The following CAMKK1 variants were observed in gnomAD, a reference collection of about 807,000 sequenced individuals.
CAMKK1 encodes calcium/calmodulin-dependent protein kinase kinase 1.
Under a neutral mutation model 63.5 loss-of-function variants are expected in CAMKK1, and 20 were observed. The ratio of observed to expected loss-of-function variants is 0.32; its 90% CI spans 0.22 to 0.46. The LOEUF (loss-of-function observed/expected upper bound fraction) is 0.46, where lower values mean the gene tolerates loss of function less well. Ranked by LOEUF, CAMKK1 falls within the 20% of genes least tolerant of loss-of-function variation. The pLI, the probability that CAMKK1 is intolerant of heterozygous loss-of-function variation, is 1.00. For missense variants in CAMKK1, 588 were observed against 658.1 expected, an observed-to-expected ratio of 0.89 and a Z score of 1.17; for synonymous variants, 253 against 269.0, an observed-to-expected ratio of 0.94 and a Z score of 0.58.
In CAMKK1 at chr17:3,861,825, T is replaced by G; in HGVS notation, c.*386A>C. 8.3e-6 allele frequency: 2 copies of G among 240,746 alleles called. No homozygotes were observed. The highest frequency in any genetic ancestry group is 1.7e-5 in the Non-Finnish European group (2 of 120,524). 14.9% of individuals were successfully genotyped at this position (240,746 alleles called of 1,614,324 possible). ...AGGCCTGCCCGGCCCCAGCGGGAGGTCTCTTCCGTTGTGGTAAGCCTGGCC... is the reference window on the plus strand; with the variant it reads ...AGGCCTGCCCGGCCCCAGCGGGAGGGCTCTTCCGTTGTGGTAAGCCTGGCC... On this transcript the variant is annotated 3_prime_UTR_variant, in exon 16 of 16. Coordinates refer to ENST00000348335, the MANE Select transcript of CAMKK1 (RefSeq NM_032294.3).
chr17:3,861,372 C>T lies in CAMKK1; in HGVS notation c.*839G>A, dbSNP rs2143764167. ...GCCCTGGTGTCTTCTCCAGCCTCAG[C>T]TCTAGGGGCATCATCAAGGGAGAGA... On this transcript the variant is annotated 3_prime_UTR_variant, in exon 16 of 16. Coordinates refer to ENST00000348335, the MANE Select transcript of CAMKK1 (RefSeq NM_032294.3). 6.6e-6 allele frequency: 1 copy of T among 152,510 alleles called. No individual in the cohort carries two copies. Among genetic ancestry groups the T allele is most frequent in the South Asian group, 2.1e-4 (1 of 4,834 alleles). 9.4% of individuals were successfully genotyped at this position (152,510 alleles called of 1,614,324 possible).
intron 10 of CAMKK1, 136 bp from the exon 11 acceptor site, chr17:3,873,598 T>G (rs2055002475): frequency 3.9e-4 from 307 of 790,922 alleles, no homozygotes; most frequent in Non-Finnish European, 5.3e-4. Flanking sequence ...CACTCCGCGG[T>G]ACTTGCCCGA....
At chr17:3,863,025 G>A (rs1662466437) in intron 15 of CAMKK1, among the ~76,000 whole-genome samples, 1 of 152,208 alleles carries the variant, frequency 6.6e-6, no homozygotes, top group Admixed American at 6.5e-5. Flanking sequence ...CTTGTTCACA[G>A]GGCAGAGTCC....
rs754014654 is a variant in CAMKK1, at chr17:3,869,508, G to A, written c.1320C>T (p.Leu440=). The change falls in exon 14 of 16, where the codon CTC becomes CTT. Residue 440 remains leucine (L), a synonymous_variant. Coordinates refer to ENST00000348335, the MANE Select transcript of CAMKK1 (RefSeq NM_032294.3). The part of the protein sequence containing the change: ...TEEEVKNSVR[L]IPSWTTVILV... Reference sequence around the variant, plus strand: ...TTACCACCGTGGTCCAGCTGGGGATGAGCCTGACTGAGTTCTTAACCTCCT... The same window carrying A: ...TTACCACCGTGGTCCAGCTGGGGATAAGCCTGACTGAGTTCTTAACCTCCT... 9.3e-6 allele frequency: 15 copies of A among 1,614,234 alleles called. No homozygotes were observed. Among genetic ancestry groups the A allele is most frequent in the African/African-American group, 1.3e-5 (1 of 75,056 alleles).
rs759692250 is a variant in CAMKK1, at chr17:3,869,850, T to C, written c.1163A>G (p.Lys388Arg). The C allele has an allele frequency of 1.2e-6, 2 of 1,614,100 alleles. No homozygotes were observed. Among genetic ancestry groups the C allele is most frequent in the African/African-American group, 2.7e-5 (2 of 74,934 alleles). The change falls in exon 13 of 16, where the codon AAG becomes AGG. Residue 388 changes from lysine (K) to arginine (R), a missense_variant. By Grantham distance (26) the Lys-to-Arg change is conservative (BLOSUM62 2). This residue lies in a region of CAMKK1 where 226 missense variants were observed against 229.2 expected (regional missense o/e 0.99). Coordinates refer to ENST00000348335, the MANE Select transcript of CAMKK1 (RefSeq NM_032294.3). ...ISEELKDLIL[K>R]MLDKNPETRI... The stretch of plus-strand genomic sequence containing the variant: ...CGTCTCGGGATTCTTGTCTAACATC[T>C]TCAGGATCAGGTCCTTGAGCTCCTC...
chr17:3,886,567 G>C (rs1004568610), intron 1 of CAMKK1, among the ~76,000 whole-genome samples: 4 of 152,138 alleles, frequency 2.6e-5, no homozygotes, highest in Non-Finnish European at 5.9e-5. Flanking sequence ...GGGAGGTGGA[G>C]GTTGCAGTGA....
rs190198773 is a variant in CAMKK1, at chr17:3,887,990, G to A, written c.-43-2260C>T. 6.6e-6 allele frequency among the ~76,000 whole-genome samples: 1 copy of A among 152,286 alleles called. No homozygotes were observed. Among genetic ancestry groups the A allele is most frequent in the Admixed American group, 6.5e-5 (1 of 15,302 alleles). Reference sequence around the variant, plus strand: ...AGTGCCTGGCATGTGATAGGAACTCGATAAATATTTGTTGAATAAATGAGT... The same window carrying A: ...AGTGCCTGGCATGTGATAGGAACTCAATAAATATTTGTTGAATAAATGAGT... On this transcript the variant is annotated intron_variant, in intron 1 of 15. Transcript: ENST00000348335. The surrounding 1 kb of genome is among the most constrained non-coding windows in gnomAD (Gnocchi z 6.1).
At chr17:3,866,705 T>A (rs2054540171) in intron 14 of CAMKK1, among the ~76,000 whole-genome samples, 1 of 150,520 alleles carries the variant, frequency 6.6e-6, no homozygotes, top group African/African-American at 2.4e-5. Flanking sequence ...GAGGCCAGAA[T>A]TCCTGCCCTC....
At chr17:3,871,362 T>TTTTTTTTTTTTTTTTTTTTTG (rs2054856573) in intron 12 of CAMKK1, among the ~76,000 whole-genome samples, 1 of 121,346 alleles carries the variant, frequency 8.2e-6, no homozygotes, top group Non-Finnish European at 1.7e-5. Flanking sequence ...TTTTTTTTTT[T>TTTTTTTTTTTTTTTTTTTTTG]TTTTTTTTTT....
chr17:3,888,699 C>T (rs1360469350), intron 1 of CAMKK1, among the ~76,000 whole-genome samples: 9 of 152,194 alleles, frequency 5.9e-5, no homozygotes, highest in Admixed American at 3.9e-4. Context: ...GGAAGGCGGC[C>T]GCGAGGGCTG....
chr17:3,881,846 C>T, intron 7 of CAMKK1, 198 bp from the exon 8 acceptor site: 2 of 587,906 alleles, frequency 3.4e-6, no homozygotes, highest in Non-Finnish European at 6.1e-6. Context: ...CTCATCTGAT[C>T]CTCAGGTGCC....
At position 3,885,678 on chromosome 17, in the gene CAMKK1, C is replaced by G. The variant is rs571797127; in HGVS notation, c.10G>C (p.Gly4Arg). The change falls in exon 2 of 16, where the codon GGT (glycine) becomes CGT (arginine). Residue 4 changes from glycine to arginine, a missense_variant. Around this residue, in one of 3 missense-constraint regions of CAMKK1, gnomAD observed 357 missense variants for 407.4 expected, o/e 0.88. Coordinates refer to ENST00000348335, the MANE Select transcript of CAMKK1 (RefSeq NM_032294.3). MEG[G>R]PAVCCQDPRA... ...GGATCCTGGCAGCAGACAGCTGGACCCCCCTCCATTGCTTCAGTCAAGGGG... is the reference window on the plus strand; with the variant it reads ...GGATCCTGGCAGCAGACAGCTGGACGCCCCTCCATTGCTTCAGTCAAGGGG... 1.7e-5 allele frequency: 27 copies of G among 1,612,804 alleles called. No individual in the cohort carries two copies. Among genetic ancestry groups the G allele is most frequent in the African/African-American group, 8.0e-5 (6 of 74,930 alleles).
In CAMKK1 at chr17:3,883,109, T is replaced by C. The variant is rs1047092655; in HGVS notation, c.581A>G (p.Glu194Gly). Reference protein sequence around the residue: ...GGPAKQLLPLERVYQEIAILK... With the variant: ...GGPAKQLLPLGRVYQEIAILK... ...GATGGCAATCTCCTGGTACACCCGC[T>C]CCAGGGGCAGCAGCTGCTTGGCTGG... Residue 194 changes from glutamate (E) to glycine (G), a missense_variant, in exon 6 of 16, where the codon GAG becomes GGG. By Grantham distance (98) the Glu-to-Gly change is moderately conservative. This residue lies in a region of CAMKK1 where 357 missense variants were observed against 407.4 expected (regional missense o/e 0.88). Coordinates refer to ENST00000348335, the MANE Select transcript of CAMKK1 (RefSeq NM_032294.3). This position sits in a 1 kb window ranked among gnomAD's most constrained non-coding sequence, Gnocchi z 4.7. 6.3e-5 allele frequency: 102 copies of C among 1,613,476 alleles called. No homozygotes were observed. Among genetic ancestry groups the C allele is most frequent in the Non-Finnish European group, 8.4e-5 (99 of 1,179,958 alleles).
chr17:3,874,454 C>T (rs2055048863), intron 10 of CAMKK1, among the ~76,000 whole-genome samples: 1 of 152,332 alleles, frequency 6.6e-6, no homozygotes, highest in East Asian at 1.9e-4. Context: ...TCACTGCAAC[C>T]TCTGCCTCCT....
At position 3,869,565 on chromosome 17, in the gene CAMKK1, C is replaced by T. The variant is rs1047450470; in HGVS notation, c.1263G>A (p.Glu421=). 8.1e-6 allele frequency: 13 copies of T among 1,614,098 alleles called. No homozygotes were observed. Among genetic ancestry groups the T allele is most frequent in the Admixed American group, 6.7e-5 (4 of 60,002 alleles). ...TCACCTCCACCACGCTGCAGTGCTCCTCCTCCGAAGGAAGGGGCTCCTCCC... is the reference window on the plus strand; with the variant it reads ...TCACCTCCACCACGCTGCAGTGCTCTTCCTCCGAAGGAAGGGGCTCCTCCC... ...KNGEEPLPSE[E]EHCSVVEVTE... The change falls in exon 14 of 16, where the codon GAG becomes GAA. Residue 421 remains glutamate, a synonymous_variant. Transcript: ENST00000348335.
At position 3,889,077 on chromosome 17, in the gene CAMKK1, G is replaced by A. The variant is rs2143905675; in HGVS notation, c.-43-3347C>T. Reference sequence around the variant, plus strand: ...GGGTAGGGGGGTGGTCCGCGCCCCTGGGGGCCCTGGGAGCCTGATCCCAGA... The same window carrying A: ...GGGTAGGGGGGTGGTCCGCGCCCCTAGGGGCCCTGGGAGCCTGATCCCAGA... On this transcript the variant is annotated intron_variant, in intron 1 of 15. Transcript: ENST00000348335. The surrounding 1 kb of genome is among the most constrained non-coding windows in gnomAD (Gnocchi z 5.2). Among the ~76,000 whole-genome samples, 1 of 152,234 alleles carries A rather than the reference G, an allele frequency of 6.6e-6. No individual in the cohort carries two copies. The highest frequency in any genetic ancestry group is 2.4e-5 in the African/African-American group (1 of 41,542).
intron 1 of CAMKK1, 76 bp from the exon 2 acceptor site, chr17:3,885,806 G>A: frequency 7.0e-7 from 1 of 1,436,426 alleles, no homozygotes; most frequent in Middle Eastern, 1.8e-4. Context: ...ACAGCGCTGT[G>A]GGTCCCACCT....
rs148218149 is a variant in CAMKK1 at position 3,890,189 on chromosome 17, C to T, written c.-44+2750G>A. 1.5e-3 allele frequency among the ~76,000 whole-genome samples: 227 copies of T among 152,326 alleles called. No homozygotes were observed. Among genetic ancestry groups the T allele is most frequent in the South Asian group, 0.011 (53 of 4,832 alleles). On this transcript the variant is annotated intron_variant, in intron 1 of 15. Coordinates refer to ENST00000348335, the MANE Select transcript of CAMKK1 (RefSeq NM_032294.3). The surrounding 1 kb of genome is among the most constrained non-coding windows in gnomAD (Gnocchi z 6.5). ...GATGGCCCTGGCAACGGGTGCCCTC[C>T]GCAGCTCCCGCCCCCACCCGGGATG...
In CAMKK1 at chr17:3,870,601, A is replaced by G. The variant is rs545493535; in HGVS notation, c.1125-713T>C. On this transcript the variant is annotated intron_variant, in intron 12 of 15. Coordinates refer to ENST00000348335, the MANE Select transcript of CAMKK1 (RefSeq NM_032294.3). The stretch of plus-strand genomic sequence containing the variant: ...AGGATGATCTCGATCTCCTGATCTC[A>G]TGATCCGCCTGCCTTGGCCTCCCAA... 4.2e-4 allele frequency among the ~76,000 whole-genome samples: 64 copies of G among 151,998 alleles called. 1 individual carries two copies. In the East Asian group the frequency reaches 6.4e-3, roughly 15 times the overall value.
Sources: gnomAD v4.1 joint callset for allele counts (sites outside exome capture counted in the v4.1 genomes callset) on GRCh38, gnomAD v4.1.1 for gene constraint, gnomAD v4.1.1 regional missense constraint, Gnocchi (gnomAD v3.1) non-coding constraint, MANE v1.5 for transcripts, NCBI Gene and HGNC (gene_info 2026-07-23, HGNC 2026-07-21) for gene names.